The following TCOF1 variants were observed in gnomAD, a reference collection of about 807,000 sequenced individuals.
TCOF1 encodes the protein treacle ribosome biogenesis factor 1.
Under a neutral mutation model 149.0 loss-of-function variants are expected in TCOF1, and 33 were observed. The observed-to-expected ratio is 0.22, with a 90% CI of 0.17 to 0.30. The LOEUF is 0.30. TCOF1 is among the 10% of genes least tolerant of loss of function. The pLI is 1.00. For missense variants in TCOF1, 1,728 were observed against 1,840.7 expected, an observed-to-expected ratio of 0.94 and a Z score of 1.12; for synonymous variants, 789 against 738.8, an observed-to-expected ratio of 1.07 and a Z score of -1.10.
chr5:150,372,321 TG>T, intron 7 of TCOF1, 85 bp downstream of exon 7: 1 of 1,218,988 alleles, frequency 8.2e-7, no homozygotes, highest in South Asian at 1.4e-5. Flanking sequence ...CCTCTGCCAC[TG>T]GAGTTGGGGA....
chr5:150,383,262 A>G, intron 17 of TCOF1: 1 of 1,120,982 alleles, frequency 8.9e-7, no homozygotes, highest in Non-Finnish European at 1.2e-6. Context: ...CCATAGGGAA[A>G]ATCTCGCCAT....
rs370004749 is a variant in TCOF1 at position 150,398,421 on chromosome 5, G to A, written c.4413G>A (p.Glu1471=). 2.8e-5 allele frequency: 46 copies of A among 1,614,052 alleles called. No individual in the cohort carries two copies. The highest frequency in any genetic ancestry group is 5.1e-6 in the Non-Finnish European group (6 of 1,180,036). ...AAAAGGCCTCAACCAAAGATTCTGA[G>A]TCACCGTCCCAGAAGAAAAAGAAGA... ...KAKKASTKDS[E]SPSQKKKKKK... The change falls in exon 25 of 27, where the codon GAG becomes GAA. Residue 1471 remains glutamate, a synonymous_variant. Coordinates refer to ENST00000643257, the MANE Select transcript of TCOF1 (RefSeq NM_001371623.1).
chr5:150,390,497 T>C (rs1767182931), intron 19 of TCOF1, among the ~76,000 whole-genome samples: 1 of 152,070 alleles, frequency 6.6e-6, no homozygotes, highest in Non-Finnish European at 1.5e-5. Context: ...TTAGCACACA[T>C]CCCCACCCCA....
intron 17 of TCOF1, among the ~76,000 whole-genome samples, chr5:150,386,908 G>C (rs1766413659): frequency 6.6e-6 from 1 of 152,222 alleles, no homozygotes; most frequent in Non-Finnish European, 1.5e-5. Context: ...GCTGTTGCTT[G>C]TTTGCTTTTT....
rs2150726683 is a variant in TCOF1 at position 150,375,846 on chromosome 5, C to T, written c.1830C>T (p.Ser610=). The change falls in exon 12 of 27, where the codon AGC becomes AGT. Residue 610 remains serine (S), a synonymous_variant. Transcript: ENST00000643257. ...AAAAGCCCATGGACAACTCGGAGAG[C>T]AGCGAGGAGTCATCGGACAGTGCGG... ...KAEKPMDNSE[S]SEESSDSADS... is the part of the protein sequence containing the mutation. The T allele has an allele frequency of 6.2e-7, 1 of 1,614,238 alleles. No individual in the cohort carries two copies. The highest frequency in any genetic ancestry group is 8.5e-7 in the Non-Finnish European group (1 of 1,180,052).
At chr5:150,369,821 A>C (rs1762146230) in intron 6 of TCOF1, among the ~76,000 whole-genome samples, 1 of 152,016 alleles carries the variant, frequency 6.6e-6, no homozygotes, top group African/African-American at 2.4e-5. Flanking sequence ...CAGGAGAGGG[A>C]CACCCTCCTG....
rs754486808 is a variant in TCOF1 at position 150,368,729 on chromosome 5, A to C, written c.392A>C (p.Lys131Thr). Residue 131 changes from lysine (K) to threonine (T), a missense_variant, in exon 5 of 27, where the codon AAA becomes ACA. Coordinates refer to ENST00000643257, the MANE Select transcript of TCOF1 (RefSeq NM_001371623.1). Reference protein sequence around the residue: ...MKEKAKAETEKAGKTGNSMPH... With the variant: ...MKEKAKAETETAGKTGNSMPH... Reference sequence around the variant, plus strand: ...TGTTCTCTGTAGGCAGAGACAGAGAAAGCTGGCAAGACTGGGAATTCCATG... The same window carrying C: ...TGTTCTCTGTAGGCAGAGACAGAGACAGCTGGCAAGACTGGGAATTCCATG... 1 of 1,614,044 alleles carries C rather than the reference A, an allele frequency of 6.2e-7. No individual in the cohort carries two copies. Among genetic ancestry groups the C allele is most frequent in the South Asian group, 1.1e-5 (1 of 91,086 alleles).
At chr5:150,370,845 G>C (rs944031421) in intron 6 of TCOF1, among the ~76,000 whole-genome samples, 5 of 152,190 alleles carry the variant, frequency 3.3e-5, no homozygotes, top group African/African-American at 9.6e-5. Context: ...TATGGGGAAA[G>C]TGACACAAGA....
rs761961716 is a variant in TCOF1, at chr5:150,364,235, C to T, written c.287C>T (p.Ala96Val). 16 of 1,614,140 alleles carry T rather than the reference C, an allele frequency of 9.9e-6. No individual in the cohort carries two copies. In the South Asian group the frequency reaches 1.6e-4, roughly 17 times the overall value. ...TCGGAAGAGGAGGAAGAAGCAGAAG[C>T]CGAAACCGCCAAAGCCAGTAAGAGC... ...ESSEEEEEAE[A>V]ETAKATPRLA... Residue 96 changes from alanine (A) to valine (V), a missense_variant, in exon 3 of 27, where the codon GCC becomes GTC. Ala to Val is a moderately conservative substitution (Grantham distance 64, BLOSUM62 0). Around this residue, in one of 2 missense-constraint regions of TCOF1, gnomAD observed 1,696 missense variants for 1,765.4 expected, o/e 0.96. Transcript: ENST00000643257.
chr5:150,372,145 C>G lies in TCOF1; in HGVS notation c.779C>G (p.Ala260Gly). ...GTCAAAGGAGGGGCCCTGCCCCCAG[C>G]CAAGAGGGCCAAGAAGCCAGAAGAG... ...PQVKGGALPP[A>G]KRAKKPEEES... is the part of the protein sequence containing the mutation. Residue 260 changes from alanine to glycine, a missense_variant, in exon 7 of 27, where the codon GCC becomes GGC. Coordinates refer to ENST00000643257, the MANE Select transcript of TCOF1 (RefSeq NM_001371623.1). 6.2e-7 allele frequency: 1 copy of G among 1,614,176 alleles called. No individual in the cohort carries two copies. Among genetic ancestry groups the G allele is most frequent in the East Asian group, 2.2e-5 (1 of 44,876 alleles).
chr5:150,366,392 G>A (rs1464555419), intron 3 of TCOF1, among the ~76,000 whole-genome samples: 1 of 152,134 alleles, frequency 6.6e-6, no homozygotes, highest in African/African-American at 2.4e-5. Context: ...AGAGAAACAT[G>A]CTGAAGTATT....
In TCOF1 at chr5:150,379,696, T is replaced by G; in HGVS notation, c.2823T>G (p.Ser941Arg). The G allele has an allele frequency of 1.9e-6, 3 of 1,614,070 alleles. No homozygotes were observed. In the African/African-American group the frequency reaches 4.0e-5, roughly 22 times the overall value. Residue 941 changes from serine (S) to arginine (R), a missense_variant, in exon 17 of 27, where the codon AGT (serine) becomes AGG (arginine). Ser to Arg is a moderately radical substitution (Grantham distance 110). This residue lies in a region of TCOF1 where 1,696 missense variants were observed against 1,765.4 expected (regional missense o/e 0.96). Coordinates refer to ENST00000643257, the MANE Select transcript of TCOF1 (RefSeq NM_001371623.1). ...GGAGCAGCAGCGAGGAATCAGACAG[T>G]GATGGGGAGGCACCGGCAGCTGTGA... ...DSGSSSEESD[S>R]DGEAPAAVTS...
chr5:150,396,915 C>T (rs1768662498), intron 24 of TCOF1, 73 bp downstream of exon 24: 1 of 1,510,386 alleles, frequency 6.6e-7, no homozygotes. Context: ...GACCCTCAGC[C>T]AGCACCTGGT....
intron 7 of TCOF1, among the ~76,000 whole-genome samples, chr5:150,373,913 G>A (rs1763103693): frequency 6.6e-6 from 1 of 152,196 alleles, no homozygotes; most frequent in Non-Finnish European, 1.5e-5. Flanking sequence ...GTGTCTCTTA[G>A]GGAGCCAGAG....
rs761816926 is a variant in TCOF1, at chr5:150,379,739, C to CT, written c.2859+9dup. On this transcript the variant is annotated splice_region_variant and intron_variant, in intron 17 of 26. Coordinates refer to ENST00000643257, the MANE Select transcript of TCOF1 (RefSeq NM_001371623.1). ...AGCTGTGACCTCTGCCCAGGTAAGACTTGCCAGGCCTCTGAGCCACCAACA... is the reference window on the plus strand; with the variant it reads ...AGCTGTGACCTCTGCCCAGGTAAGACTTTGCCAGGCCTCTGAGCCACCAACA... The CT allele has an allele frequency of 9.3e-6, 15 of 1,613,312 alleles. No homozygotes were observed. In the South Asian group the frequency reaches 1.6e-4, roughly 18 times the overall value.
Position 150,374,308 on chromosome 5 carries a change from AGAG to A in TCOF1, c.1011_1013del (p.Glu337del), listed in dbSNP as rs1410645816. 2 of 1,585,258 alleles carry A rather than the reference AGAG, an allele frequency of 1.3e-6. No individual in the cohort carries two copies. Among genetic ancestry groups the A allele is most frequent in the South Asian group, 1.1e-5 (1 of 87,916 alleles). On this transcript the variant is annotated inframe_deletion, in exon 8 of 27. Transcript: ENST00000643257. ...CCTCCCAGACCAAGGCAGGGAAGCC[AGAG>A]GAGGACTCAGAGAGCAGCAGCGAGG...
intron 17 of TCOF1, 75 bp downstream of exon 17, chr5:150,379,807 C>G (rs1256655033): frequency 4.5e-6 from 7 of 1,545,676 alleles, no homozygotes; most frequent in Non-Finnish European, 6.2e-6. Flanking sequence ...CGTGGTGGCT[C>G]ACACCTGTAA....
chr5:150,398,870 G>A (rs1229023282), intron 25 of TCOF1, 152 bp from the exon 26 acceptor site: 2 of 1,077,110 alleles, frequency 1.9e-6, no homozygotes, highest in African/African-American at 3.1e-5. Context: ...CTGTATTTAG[G>A]AGAGCTGAAC....
intron 7 of TCOF1, among the ~76,000 whole-genome samples, chr5:150,373,755 AC>A (rs537561960): frequency 2.5e-4 from 38 of 151,522 alleles, no homozygotes; most frequent in African/African-American, 8.2e-4. Context: ...GCCTTTGCAC[AC>A]CCCCTCCCCA....
Sources: allele counts gnomAD v4.1 joint callset (sites outside exome capture counted in the v4.1 genomes callset), GRCh38; gene constraint gnomAD v4.1.1; regional missense constraint gnomAD v4.1.1; transcripts MANE v1.5; gene names NCBI Gene and HGNC (gene_info 2026-07-23, HGNC 2026-07-21).